Variants in UBE2E3 observed in about 807,000 individuals in gnomAD.
UBE2E3 encodes ubiquitin-conjugating enzyme E2 E3.
UBE2E3 carries 5 observed loss-of-function variants against 23.6 expected under a neutral mutation model. The ratio of observed to expected loss-of-function variants is 0.21; its 90% confidence interval spans 0.11 to 0.44. The LOEUF is 0.44. UBE2E3 is among the 20% of genes least tolerant of loss of function. The pLI, the probability that UBE2E3 is intolerant of heterozygous loss-of-function variation, is 0.99. For synonymous variants in UBE2E3, 78 were observed against 87.5 expected, an observed-to-expected ratio of 0.89 and a Z score of 0.60; for missense variants, 81 against 249.8, an observed-to-expected ratio of 0.32 and a Z score of 4.55.
At chr2:181,035,475 A>G (rs1431199267) in intron 3 of UBE2E3, among the ~76,000 whole-genome samples, 1 of 152,116 alleles carries the variant, frequency 6.6e-6, no homozygotes, top group African/African-American at 2.4e-5. Flanking sequence ...TACTTTCAGT[A>G]GATGTATTAT....
rs151095014 is a variant in UBE2E3 at position 180,983,573 on chromosome 2, C to CT, written c.195-461dup. On this transcript the variant is annotated intron_variant, in intron 2 of 5. Transcript: ENST00000410062. ...AGTAAAGATATTTGTAAATTTTAAA[C>CT]TTTTTTTTTGACAGATAAAATATTG... is the stretch of plus-strand genomic sequence containing the variant. 2.4e-3 allele frequency among the ~76,000 whole-genome samples: 363 copies of CT among 151,690 alleles called. 2 individuals are homozygous for CT. Among genetic ancestry groups the CT allele is most frequent in the African/African-American group, 8.3e-3 (344 of 41,408 alleles).
intron 3 of UBE2E3, among the ~76,000 whole-genome samples, chr2:181,033,891 G>T (rs1686173508): frequency 6.6e-6 from 1 of 152,172 alleles, no homozygotes; most frequent in Non-Finnish European, 1.5e-5. Flanking sequence ...CTTCTCAAAA[G>T]AAGACATTTA....
At chr2:181,024,896 A>T (rs10167039) in intron 3 of UBE2E3, among the ~76,000 whole-genome samples, 6,318 of 152,128 alleles carry the variant, frequency 0.042, 188 homozygotes, top group African/African-American at 0.076. Flanking sequence ...TTTCAAAGGT[A>T]GAATTTCCCA....
chr2:181,053,985 T>G (rs1367640730), intron 3 of UBE2E3, among the ~76,000 whole-genome samples: 1 of 151,822 alleles, frequency 6.6e-6, no homozygotes, highest in Non-Finnish European at 1.5e-5. Context: ...CTTACTAATA[T>G]GCATTTAAGT....
rs183451062 is a variant in UBE2E3 at position 181,049,732 on chromosome 2, G to T, written c.246-7961G>T. On this transcript the variant is annotated intron_variant, in intron 3 of 5. Transcript: ENST00000410062. ...ATGCCATAGTTTTTTTACTTCATCA[G>T]TCTTTTTATATGTACACCTGACTGC... is the stretch of plus-strand genomic sequence containing the variant. 5.9e-5 allele frequency among the ~76,000 whole-genome samples: 9 copies of T among 152,036 alleles called. No homozygotes were observed. The South Asian group carries it at 1.7e-3, about 28-fold the overall frequency.
intron 3 of UBE2E3, among the ~76,000 whole-genome samples, chr2:181,015,600 G>T (rs1324599003): frequency 6.6e-6 from 1 of 152,026 alleles, no homozygotes; most frequent in Non-Finnish European, 1.5e-5. Context: ...ATATGATAAA[G>T]GTAAGATGAT....
At chr2:181,014,474 CT>C (rs1331925787) in intron 3 of UBE2E3, among the ~76,000 whole-genome samples, 3 of 152,080 alleles carry the variant, frequency 2.0e-5, no homozygotes, top group Admixed American at 2.0e-4. Flanking sequence ...GAAGAGTTAA[CT>C]TTTAATGATT....
intron 3 of UBE2E3, among the ~76,000 whole-genome samples, chr2:181,035,965 G>T (rs1391225271): frequency 1.3e-5 from 2 of 152,182 alleles, no homozygotes; most frequent in Non-Finnish European, 2.9e-5. Flanking sequence ...AATGTGGTAA[G>T]TGATGTCAGT....
chr2:181,041,481 C>T (rs1448783698), intron 3 of UBE2E3, among the ~76,000 whole-genome samples: 1 of 151,612 alleles, frequency 6.6e-6, no homozygotes, highest in Admixed American at 6.6e-5. Flanking sequence ...CTCTCCGTCG[C>T]CCAGGCTAGA....
At chr2:181,042,518 G>A (rs577333686) in intron 3 of UBE2E3, among the ~76,000 whole-genome samples, 1 of 152,274 alleles carries the variant, frequency 6.6e-6, no homozygotes, top group African/African-American at 2.4e-5. Flanking sequence ...TCATCAGGGA[G>A]GTAGGAAGAA....
At chr2:180,990,115 T>C (rs1684610849) in intron 3 of UBE2E3, 5 of 947,500 alleles carry the variant, frequency 5.3e-6, no homozygotes, top group Non-Finnish European at 7.5e-6. Context: ...TTTTAACCTT[T>C]CTTTTGCCTT....
At chr2:181,042,337 C>T (rs964558225) in intron 3 of UBE2E3, among the ~76,000 whole-genome samples, 1 of 152,146 alleles carries the variant, frequency 6.6e-6, no homozygotes, top group African/African-American at 2.4e-5. Flanking sequence ...AGTTTTCTGA[C>T]TTTAAGTGGC....
chr2:180,984,205 C>T, intron 3 of UBE2E3, 112 bp downstream of exon 3: 1 of 872,454 alleles, frequency 1.1e-6, no homozygotes, highest in South Asian at 2.4e-5. Context: ...TTCTTTACAG[C>T]TTTGCAAGTG....
chr2:181,028,790 T>A (rs571450420), intron 3 of UBE2E3, among the ~76,000 whole-genome samples: 8 of 152,116 alleles, frequency 5.3e-5, no homozygotes, highest in Non-Finnish European at 1.2e-4. Flanking sequence ...TGTACATATA[T>A]GTTGCAAAAA....
At chr2:181,056,493 AAG>A (rs1004973981) in intron 3 of UBE2E3, among the ~76,000 whole-genome samples, 3 of 151,782 alleles carry the variant, frequency 2.0e-5, no homozygotes, top group Non-Finnish European at 2.9e-5. Context: ...AAGAGGAAGC[AAG>A]AGAGAGAAAC....
intron 3 of UBE2E3, among the ~76,000 whole-genome samples, chr2:181,000,723 T>G (rs1446842019): frequency 6.6e-6 from 1 of 151,946 alleles, no homozygotes; most frequent in African/African-American, 2.4e-5. Context: ...CCTGACTAAT[T>G]TTTTGTATTT....
At position 181,028,524 on chromosome 2, in the gene UBE2E3, G is replaced by A. The variant is rs1685969751; in HGVS notation, c.246-29169G>A. ...TGATACACATTTCCACCAGCAAAGT[G>A]CAATAGTTCTCTTTGCGCTGCAGGT... On this transcript the variant is annotated intron_variant, in intron 3 of 5. Transcript: ENST00000410062. Among the ~76,000 whole-genome samples the A allele has an allele frequency of 3.3e-5, 5 of 152,054 alleles. No individual in the cohort carries two copies. The South Asian group carries it at 1.0e-3, about 31-fold the overall frequency.
At chr2:181,027,759 GCTTT>G (rs947507855) in intron 3 of UBE2E3, among the ~76,000 whole-genome samples, 3 of 151,834 alleles carry the variant, frequency 2.0e-5, no homozygotes, top group Non-Finnish European at 4.4e-5. Flanking sequence ...GTTCAGCTAA[GCTTT>G]CTTTGCTGTC....
At chr2:181,030,060 T>C (rs1686027574) in intron 3 of UBE2E3, among the ~76,000 whole-genome samples, 1 of 151,992 alleles carries the variant, frequency 6.6e-6, no homozygotes, top group Non-Finnish European at 1.5e-5. Flanking sequence ...TCTTGATTCC[T>C]TGACCTCATG....
Sources: allele counts gnomAD v4.1 joint callset (sites outside exome capture counted in the v4.1 genomes callset), GRCh38; gene constraint gnomAD v4.1.1; transcripts MANE v1.5; gene names NCBI Gene and HGNC (gene_info 2026-07-23, HGNC 2026-07-21).